PEBP1: variants seen among roughly 807,000 people sequenced by gnomAD.
PEBP1 encodes phosphatidylethanolamine binding protein 1.
In PEBP1, 17 loss-of-function variants were observed where a neutral mutation model predicts 22.7. The ratio of observed to expected loss-of-function variants is 0.75; its 90% CI spans 0.51 to 1.12. PEBP1 has a LOEUF of 1.12. Ranked by LOEUF, PEBP1 falls within the 50% of genes most tolerant of loss-of-function variation. The pLI, the probability that PEBP1 is intolerant of heterozygous loss-of-function variation, is 0.00. For synonymous variants in PEBP1, 106 were observed against 104.3 expected, an observed-to-expected ratio of 1.02 and a Z score of -0.10; for missense variants, 205 against 243.5, an observed-to-expected ratio of 0.84 and a Z score of 1.05.
At chr12:118,137,494 A>G (rs1318326964) in intron 1 of PEBP1, among the ~76,000 whole-genome samples, 2 of 152,190 alleles carry the variant, frequency 1.3e-5, no homozygotes, top group African/African-American at 2.4e-5. Context: ...GGTTGAGGCT[A>G]CAGTGAGCCT....
At chr12:118,140,881 C>T (rs1434764420) in intron 3 of PEBP1, among the ~76,000 whole-genome samples, 1 of 152,064 alleles carries the variant, frequency 6.6e-6, no homozygotes, top group Non-Finnish European at 1.5e-5. Context: ...AACTCATTTT[C>T]TTGTTGTTTT....
intron 3 of PEBP1, among the ~76,000 whole-genome samples, 159 bp from the exon 4 acceptor site, chr12:118,144,427 A>G (rs1198481557): frequency 6.6e-6 from 1 of 152,128 alleles, no homozygotes; most frequent in Non-Finnish European, 1.5e-5. Context: ...TTGCCATTAA[A>G]TGTTAATTTG....
At position 118,136,295 on chromosome 12, in the gene PEBP1, A is replaced by G; in HGVS notation, c.86A>G (p.Tyr29Cys). 1.3e-6 allele frequency: 2 copies of G among 1,546,308 alleles called. No individual in the cohort carries two copies. Among genetic ancestry groups the G allele is most frequent in the Non-Finnish European group, 1.7e-6 (2 of 1,146,452 alleles). The change falls in exon 1 of 4, where the codon TAC (tyrosine) becomes TGC (cysteine). Residue 29 changes from tyrosine to cysteine, a missense_variant. By Grantham distance (194) the Tyr-to-Cys change is radical (BLOSUM62 -2). Coordinates refer to ENST00000261313, the MANE Select transcript of PEBP1 (RefSeq NM_002567.4). This position sits in a 1 kb window ranked among gnomAD's most constrained non-coding sequence, Gnocchi z 5.6. The stretch of plus-strand genomic sequence containing the variant: ...CCGCAGCACCCGCTGCATGTCACCT[A>G]CGCCGGGGCGGCGGTGGACGAGCTG... The part of the protein sequence containing the change: ...EQPQHPLHVT[Y>C]AGAAVDELGK...
chr12:118,137,987 A>C, intron 1 of PEBP1, 52 bp from the exon 2 acceptor site: 6 of 1,246,350 alleles, frequency 4.8e-6, no homozygotes, highest in Non-Finnish European at 7.0e-6. Flanking sequence ...ACACCCAGCC[A>C]GTTTCTTCAG....
chr12:118,138,775 A>T (rs185818808), intron 2 of PEBP1, among the ~76,000 whole-genome samples: 37 of 152,298 alleles, frequency 2.4e-4, no homozygotes, highest in Non-Finnish European at 3.1e-4. Context: ...CACAAAATTT[A>T]CCTGTCAGTG....
chr12:118,145,003 A>C lies in PEBP1; in HGVS notation c.*200A>C, dbSNP rs1418053792. 1 of 1,512,278 alleles carries C rather than the reference A, an allele frequency of 6.6e-7. No individual in the cohort carries two copies. Among genetic ancestry groups the C allele is most frequent in the African/African-American group, 1.4e-5 (1 of 72,506 alleles). 93.7% of individuals were successfully genotyped at this position (1,512,278 alleles called of 1,614,324 possible). On this transcript the variant is annotated 3_prime_UTR_variant, in exon 4 of 4. Transcript: ENST00000261313. The stretch of plus-strand genomic sequence containing the variant: ...CTCACTCACTCTGATTTATGTTTTG[A>C]TCAAATTTGAACTTCATTTTGGGGG...
intron 3 of PEBP1, among the ~76,000 whole-genome samples, chr12:118,140,056 G>A (rs1020090821): frequency 6.0e-5 from 9 of 151,136 alleles, no homozygotes; most frequent in African/African-American, 1.5e-4. Context: ...TATTGAAGGC[G>A]CACACACACA....
chr12:118,142,048 A>G (rs1364109578), intron 3 of PEBP1, among the ~76,000 whole-genome samples: 1 of 152,264 alleles, frequency 6.6e-6, no homozygotes, highest in East Asian at 1.9e-4. Context: ...CTACACCAGG[A>G]TGAACCCTGA....
chr12:118,142,756 T>C (rs2034124677), intron 3 of PEBP1, among the ~76,000 whole-genome samples: 1 of 150,616 alleles, frequency 6.6e-6, no homozygotes, highest in Non-Finnish European at 1.5e-5. Flanking sequence ...GGATTACAGG[T>C]GTGAGCCACT....
chr12:118,144,986 C>T lies in PEBP1; in HGVS notation c.*183C>T. On this transcript the variant is annotated 3_prime_UTR_variant, in exon 4 of 4. Transcript: ENST00000261313. Reference sequence around the variant, plus strand: ...TGGCCTTTATAATTTTACTCACTCACTCTGATTTATGTTTTGATCAAATTT... The same window carrying T: ...TGGCCTTTATAATTTTACTCACTCATTCTGATTTATGTTTTGATCAAATTT... 1.3e-6 allele frequency: 2 copies of T among 1,523,670 alleles called. No homozygotes were observed. The highest frequency in any genetic ancestry group is 1.8e-6 in the Non-Finnish European group (2 of 1,139,844). The allele number at this position is 1,523,670 out of a possible 1,614,324, so 94.4% of individuals were successfully genotyped here.
chr12:118,136,125 G>C lies in PEBP1; in HGVS notation c.-85G>C. 6 of 1,479,430 alleles carry C rather than the reference G, an allele frequency of 4.1e-6. No homozygotes were observed. Among genetic ancestry groups the C allele is most frequent in the South Asian group, 1.2e-5 (1 of 81,460 alleles). The allele number at this position is 1,479,430 out of a possible 1,614,324, so 91.6% of individuals were successfully genotyped here. A position where few individuals can be genotyped will look rare whatever the true frequency, so the allele number is the denominator to read the frequency against. ...GCTGGGTCTGCGTCTTCCCGAGCCA[G>C]TGTGCTGAGCTCTCCGCGTCGCCTC... On this transcript the variant is annotated 5_prime_UTR_variant, in exon 1 of 4. Transcript: ENST00000261313. This position sits in a 1 kb window ranked among gnomAD's most constrained non-coding sequence, Gnocchi z 5.6.
intron 3 of PEBP1, 93 bp from the exon 4 acceptor site, chr12:118,144,493 T>G (rs1418398741): frequency 8.4e-7 from 1 of 1,194,602 alleles, no homozygotes; most frequent in African/African-American, 1.5e-5. Flanking sequence ...GTGGTCTGGG[T>G]GCCTCCATGT....
chr12:118,140,553 T>A (rs539498146), intron 3 of PEBP1, among the ~76,000 whole-genome samples: 29 of 152,052 alleles, frequency 1.9e-4, no homozygotes, highest in African/African-American at 6.8e-4. Context: ...TCATTTTTTT[T>A]TTTTGAGATG....
At chr12:118,139,360 A>T in intron 2 of PEBP1, 91 bp from the exon 3 acceptor site, 1 of 827,660 alleles carries the variant, frequency 1.2e-6, no homozygotes, top group South Asian at 1.4e-5. Flanking sequence ...GTGTTGTGGC[A>T]GCCAGCATGT....
chr12:118,142,176 T>C (rs1312653833), intron 3 of PEBP1, among the ~76,000 whole-genome samples: 5 of 143,318 alleles, frequency 3.5e-5, no homozygotes, highest in Non-Finnish European at 7.6e-5. Context: ...CATGCATTCT[T>C]TTTTTTTTTT....
intron 1 of PEBP1, 132 bp from the exon 2 acceptor site, chr12:118,137,907 A>G: frequency 1.6e-6 from 1 of 639,584 alleles, no homozygotes; most frequent in South Asian, 1.8e-5. Flanking sequence ...GGCTGGTCTC[A>G]AACCCCTGAC....
At position 118,144,568 on chromosome 12, in the gene PEBP1, C is replaced by G. The variant is rs373671019; in HGVS notation, c.347-18C>G. 94 of 1,603,926 alleles carry G rather than the reference C, an allele frequency of 5.9e-5. No individual in the cohort carries two copies. The highest frequency in any genetic ancestry group is 1.0e-4 in the Admixed American group (6 of 58,266). On this transcript the variant is annotated intron_variant, in intron 3 of 3. Coordinates refer to ENST00000261313, the MANE Select transcript of PEBP1 (RefSeq NM_002567.4). The stretch of plus-strand genomic sequence containing the variant: ...GTGCTGGGCTGTGTGTACATCTTCC[C>G]TCTGCCTCTCCCCACAGGCCTCCAC...
intron 1 of PEBP1, 91 bp from the exon 2 acceptor site, chr12:118,137,948 A>G (rs1451497439): frequency 4.8e-6 from 4 of 833,094 alleles, no homozygotes; most frequent in Non-Finnish European, 8.1e-6. Flanking sequence ...AGGCCTCCCA[A>G]AGTGCTGGGA....
At chr12:118,141,388 T>A (rs1412897551) in intron 3 of PEBP1, among the ~76,000 whole-genome samples, 2 of 152,184 alleles carry the variant, frequency 1.3e-5, no homozygotes, top group Non-Finnish European at 2.9e-5. Context: ...GTGCTGGGAT[T>A]ACAGGCGTGA....
Sources: gnomAD v4.1 joint callset for allele counts (sites outside exome capture counted in the v4.1 genomes callset) on GRCh38, gnomAD v4.1.1 for gene constraint, Gnocchi (gnomAD v3.1) non-coding constraint, MANE v1.5 for transcripts, NCBI Gene and HGNC (gene_info 2026-07-23, HGNC 2026-07-21) for gene names.